CCNT2: variants seen among roughly 807,000 people sequenced by gnomAD.
CCNT2 encodes the protein cyclin T2.
A neutral mutation model predicts 70.0 loss-of-function variants in CCNT2; 18 were observed. The observed-to-expected ratio is 0.26, with a 90% confidence interval of 0.18 to 0.38. The LOEUF is 0.38. Among genes scored for constraint, CCNT2 ranks in the 10% least tolerant of loss-of-function variants. CCNT2 has a pLI of 1.00. For synonymous variants in CCNT2, 334 were observed against 313.3 expected (o/e 1.07, Z -0.70); for missense variants, 734 against 890.2 (o/e 0.82, Z 2.23).
At chr2:134,941,886 A>C (rs1016159973) in intron 4 of CCNT2, among the ~76,000 whole-genome samples, 3 of 152,170 alleles carry the variant, frequency 2.0e-5, no homozygotes, top group African/African-American at 7.2e-5. Context: ...AGAACTATAT[A>C]TAGACCACAC....
chr2:134,934,334 T>C (rs1420904995), intron 2 of CCNT2, among the ~76,000 whole-genome samples: 1 of 152,222 alleles, frequency 6.6e-6, no homozygotes, highest in Non-Finnish European at 1.5e-5. Flanking sequence ...CCAAACCAGC[T>C]GTACTCCTCC....
At chr2:134,946,713 C>A (rs1682000718) in intron 6 of CCNT2, among the ~76,000 whole-genome samples, 1 of 149,810 alleles carries the variant, frequency 6.7e-6, no homozygotes, top group Non-Finnish European at 1.5e-5. Flanking sequence ...AAAAAACCTT[C>A]CTTTTCAGTT....
intron 2 of CCNT2, among the ~76,000 whole-genome samples, chr2:134,926,425 G>A (rs1001079600): frequency 3.3e-5 from 5 of 152,040 alleles, no homozygotes; most frequent in African/African-American, 7.2e-5. Flanking sequence ...TTCCTATCTT[G>A]CTGATTGTGC....
chr2:134,942,556 C>G, intron 4 of CCNT2, 56 bp from the exon 5 acceptor site: 1 of 1,240,980 alleles, frequency 8.1e-7, no homozygotes, highest in Non-Finnish European at 1.1e-6. Flanking sequence ...TATGGCATTT[C>G]TCAGGCAAGT....
chr2:134,957,892 TTAA>T lies in CCNT2; in HGVS notation c.*3249_*3251del. The stretch of plus-strand genomic sequence containing the variant: ...TATTGCTTTGTAGCAACAGATTGTA[TTAA>T]TAATTAATAGAATACCTAATTTTTT... On this transcript the variant is annotated 3_prime_UTR_variant, in exon 9 of 9. Coordinates refer to ENST00000264157, the MANE Select transcript of CCNT2 (RefSeq NM_058241.3). The T allele has an allele frequency of 1.0e-5, 1 of 99,054 alleles. No homozygotes were observed. The highest frequency in any genetic ancestry group is 1.9e-5 in the Non-Finnish European group (1 of 52,718). The allele number at this position is 99,054 out of a possible 1,614,324, so 6.1% of individuals were successfully genotyped here. A position where few individuals can be genotyped will look rare whatever the true frequency, so the allele number is the denominator to read the frequency against.
chr2:134,946,581 T>A (rs557226762), intron 6 of CCNT2: 66 of 214,052 alleles, frequency 3.1e-4, no homozygotes, highest in Admixed American at 1.2e-3. Context: ...ATAAATAAAA[T>A]TTATGTAATT....
chr2:134,943,470 T>TAATG (rs1408740890), intron 5 of CCNT2: 1 of 985,246 alleles, frequency 1.0e-6, no homozygotes, highest in Non-Finnish European at 1.2e-6. Flanking sequence ...AAAATTGATT[T>TAATG]AATGTATTTT....
At chr2:134,919,577 C>T (rs1295587431) in intron 1 of CCNT2, among the ~76,000 whole-genome samples, 2 of 152,024 alleles carry the variant, frequency 1.3e-5, no homozygotes, top group African/African-American at 4.8e-5. Flanking sequence ...AGTTCCAGGG[C>T]CCTCAGCGCT....
At chr2:134,923,543 G>T (rs1001888332) in intron 2 of CCNT2, among the ~76,000 whole-genome samples, 9 of 152,202 alleles carry the variant, frequency 5.9e-5, no homozygotes, top group Admixed American at 3.3e-4. Context: ...AGAACTTTCT[G>T]CATAGCGCAA....
chr2:134,935,112 CAAAT>C (rs773034305), intron 2 of CCNT2, among the ~76,000 whole-genome samples: 1 of 152,170 alleles, frequency 6.6e-6, no homozygotes, highest in African/African-American at 2.4e-5. Flanking sequence ...CCTAGGAACA[CAAAT>C]AAAGAACTCT....
chr2:134,943,283 C>A (rs745639331), intron 5 of CCNT2: 22 of 377,204 alleles, frequency 5.8e-5, no homozygotes, highest in Non-Finnish European at 8.0e-5. Flanking sequence ...CGCATGTAGT[C>A]TCAACTATTC....
At chr2:134,946,486 A>G (rs1681972130) in intron 6 of CCNT2, 2 of 909,782 alleles carry the variant, frequency 2.2e-6, no homozygotes, top group Non-Finnish European at 2.7e-6. Flanking sequence ...AGCTATTTCC[A>G]GTTTACAATT....
chr2:134,929,268 C>A (rs1001924329), intron 2 of CCNT2, among the ~76,000 whole-genome samples: 3 of 151,976 alleles, frequency 2.0e-5, no homozygotes, highest in Non-Finnish European at 2.9e-5. Flanking sequence ...ATTAGGCTTT[C>A]GGTTTCCTTG....
Position 134,957,672 on chromosome 2 carries a change from T to A in CCNT2, c.*3024T>A, listed in dbSNP as rs1413095357. Reference sequence around the variant, plus strand: ...CCGGTAGTGGTAAAACCTCACAGTTTCCTAATTGCAGGTATGTAAATACCA... The same window carrying A: ...CCGGTAGTGGTAAAACCTCACAGTTACCTAATTGCAGGTATGTAAATACCA... On this transcript the variant is annotated 3_prime_UTR_variant, in exon 9 of 9. Transcript: ENST00000264157. 1 of 152,190 alleles carries A rather than the reference T, an allele frequency of 6.6e-6. No individual in the cohort carries two copies. The highest frequency in any genetic ancestry group is 1.5e-5 in the Non-Finnish European group (1 of 68,028). The allele number at this position is 152,190 out of a possible 1,614,324, so 9.4% of individuals were successfully genotyped here.
intron 2 of CCNT2, among the ~76,000 whole-genome samples, chr2:134,920,890 A>G (rs953470820): frequency 6.6e-6 from 1 of 152,204 alleles, no homozygotes; most frequent in African/African-American, 2.4e-5. Context: ...ATTGAGTCCT[A>G]CCTTAATCTC....
intron 5 of CCNT2, chr2:134,945,596 A>G: frequency 1.0e-6 from 1 of 985,406 alleles, no homozygotes; most frequent in Non-Finnish European, 1.2e-6. Flanking sequence ...GATGCTTAAT[A>G]GCATGATGAA....
intron 2 of CCNT2, among the ~76,000 whole-genome samples, chr2:134,934,776 A>G (rs918893436): frequency 2.6e-5 from 4 of 152,202 alleles, no homozygotes; most frequent in African/African-American, 9.6e-5. Flanking sequence ...AGTAAGAGAA[A>G]TTCTGGATCA....
chr2:134,947,338 C>T (rs1304564997), intron 6 of CCNT2, among the ~76,000 whole-genome samples: 1 of 152,130 alleles, frequency 6.6e-6, no homozygotes, highest in African/African-American at 2.4e-5. Context: ...GTCAATTTTA[C>T]AAATAGTTTT....
intron 2 of CCNT2, among the ~76,000 whole-genome samples, chr2:134,923,947 G>T (rs565833736): frequency 6.6e-6 from 1 of 152,106 alleles, no homozygotes; most frequent in Non-Finnish European, 1.5e-5. Flanking sequence ...TTATTTGCCC[G>T]CCTCATTGCA....
Sources: allele counts gnomAD v4.1 joint callset (sites outside exome capture counted in the v4.1 genomes callset), GRCh38; gene constraint gnomAD v4.1.1; transcripts MANE v1.5; gene names NCBI Gene and HGNC (gene_info 2026-07-23, HGNC 2026-07-21).